Variants in ASIC2 observed in about 807,000 individuals in gnomAD.
ASIC2 encodes acid sensing ion channel subunit 2.
A neutral mutation model predicts 57.3 loss-of-function variants in ASIC2; 25 were observed. The observed-to-expected ratio is 0.44, with a 90% CI of 0.32 to 0.61. The LOEUF is 0.61. Among genes scored for constraint, ASIC2 ranks in the 20% least tolerant of loss-of-function variants. ASIC2 has a pLI of 0.06. For synonymous variants in ASIC2, 319 were observed against 307.5 expected (o/e 1.04, Z -0.39); for missense variants, 641 against 738.1 (o/e 0.87, Z 1.52).
At chr17:33,797,099 A>G (rs1358683033) in intron 1 of ASIC2, among the ~76,000 whole-genome samples, 4 of 152,212 alleles carry the variant, frequency 2.6e-5, no homozygotes, top group African/African-American at 9.7e-5. Context: ...ACTCAGTGCC[A>G]TAGTTTCACC....
chr17:33,897,825 G>A (rs1215019903), intron 1 of ASIC2, among the ~76,000 whole-genome samples: 1 of 152,194 alleles, frequency 6.6e-6, no homozygotes, highest in African/African-American at 2.4e-5. Flanking sequence ...CCTGTTGTGT[G>A]AATGATTATT....
intron 1 of ASIC2, among the ~76,000 whole-genome samples, chr17:33,594,859 C>T (rs2347551): frequency 0.11 from 17,172 of 150,022 alleles, 1,283 homozygotes; most frequent in South Asian, 0.32. Flanking sequence ...TCTGTTTAAG[C>T]GGTGAGTAAG....
chr17:33,701,409 A>T (rs1297581687), intron 1 of ASIC2, among the ~76,000 whole-genome samples: 1 of 152,224 alleles, frequency 6.6e-6, no homozygotes, highest in African/African-American at 2.4e-5. Context: ...TAGCTTGCTG[A>T]AAATCAATAA....
chr17:34,044,129 C>A lies in ASIC2; in HGVS notation c.555+111849G>T, dbSNP rs537391840. On this transcript the variant is annotated intron_variant, in intron 1 of 9. Coordinates refer to the ASIC2 transcript ENST00000359872. The stretch of plus-strand genomic sequence containing the variant: ...ACACACACACACACACACACACGCA[C>A]GCACACACACACACACACACCAAGA... 2.7e-5 allele frequency among the ~76,000 whole-genome samples: 3 copies of A among 112,684 alleles called. No individual in the cohort carries two copies. In the East Asian group the frequency reaches 6.8e-4, roughly 25 times the overall value. 73.9% of individuals were successfully genotyped at this position (112,684 alleles called of 152,430 possible).
intron 1 of ASIC2, among the ~76,000 whole-genome samples, chr17:33,805,841 C>A (rs1157004511): frequency 6.6e-6 from 1 of 152,174 alleles, no homozygotes; most frequent in Non-Finnish European, 1.5e-5. Context: ...ATGTTACACA[C>A]ACAACATCCC....
chr17:33,525,489 C>G (rs1914861451), intron 1 of ASIC2, among the ~76,000 whole-genome samples: 1 of 152,198 alleles, frequency 6.6e-6, no homozygotes, highest in African/African-American at 2.4e-5. Context: ...AAGGTCAGAG[C>G]AATAAAACTG....
intron 1 of ASIC2, among the ~76,000 whole-genome samples, chr17:33,406,552 T>C (rs937433811): frequency 4.6e-5 from 7 of 152,220 alleles, no homozygotes; most frequent in African/African-American, 1.7e-4. Flanking sequence ...GTACAAGTTT[T>C]TAAGCTTTCT....
At chr17:33,470,795 C>G (rs1913023905) in intron 1 of ASIC2, among the ~76,000 whole-genome samples, 1 of 152,188 alleles carries the variant, frequency 6.6e-6, no homozygotes, top group African/African-American at 2.4e-5. Flanking sequence ...TAAGGACATG[C>G]CAGAGGAGTT....
chr17:33,115,808 C>T (rs1376190071), intron 1 of ASIC2, among the ~76,000 whole-genome samples: 1 of 152,162 alleles, frequency 6.6e-6, no homozygotes, highest in Non-Finnish European at 1.5e-5. Flanking sequence ...CTGTCACCTT[C>T]GAGAGGGCAG....
At chr17:34,105,763 T>C (rs1406828983) in intron 1 of ASIC2, among the ~76,000 whole-genome samples, 1 of 152,086 alleles carries the variant, frequency 6.6e-6, no homozygotes, top group African/African-American at 2.4e-5. Flanking sequence ...GTTCTTACTA[T>C]GTATATGTGT....
At chr17:33,090,084 G>A (rs921895263) in intron 2 of ASIC2, among the ~76,000 whole-genome samples, 15 of 152,138 alleles carry the variant, frequency 9.9e-5, no homozygotes, top group African/African-American at 3.6e-4. Flanking sequence ...GTTCTGAGTA[G>A]CCTCTGCCTC....
chr17:33,189,957 C>A lies in ASIC2; in HGVS notation c.709-77890G>T, dbSNP rs756669908. ...TGAAAGGGTGAATGATCTTCCCCTA[C>A]GATCAAGGCAAGGCAAGGATGAGAC... On this transcript the variant is annotated intron_variant, in intron 1 of 9. Transcript: ENST00000225823. 2.0e-5 allele frequency among the ~76,000 whole-genome samples: 3 copies of A among 152,178 alleles called. No homozygotes were observed. The East Asian group carries it at 5.8e-4, about 29-fold the overall frequency.
At chr17:33,405,268 G>T (rs972607278) in intron 1 of ASIC2, among the ~76,000 whole-genome samples, 1 of 152,172 alleles carries the variant, frequency 6.6e-6, no homozygotes, top group East Asian at 1.9e-4. Flanking sequence ...ATGGTAGGGG[G>T]CTGCTTTGGA....
intron 1 of ASIC2, among the ~76,000 whole-genome samples, chr17:33,940,755 G>A (rs1273614276): frequency 1.3e-5 from 2 of 152,214 alleles, no homozygotes; most frequent in Admixed American, 6.5e-5. Flanking sequence ...AAAACACAGA[G>A]TATTTTAAAG....
At chr17:34,109,872 TTC>T (rs903274269) in intron 1 of ASIC2, among the ~76,000 whole-genome samples, 1 of 152,148 alleles carries the variant, frequency 6.6e-6, no homozygotes, top group African/African-American at 2.4e-5. Flanking sequence ...AAATAAGTTT[TTC>T]TCTCTCTTTA....
chr17:33,236,493 G>A (rs1159514508), intron 1 of ASIC2, among the ~76,000 whole-genome samples: 7 of 151,956 alleles, frequency 4.6e-5, no homozygotes, highest in Non-Finnish European at 8.8e-5. Flanking sequence ...ACAGGTGCAC[G>A]CTACTACACC....
chr17:34,031,021 T>C (rs974667477), intron 1 of ASIC2, among the ~76,000 whole-genome samples: 1 of 152,206 alleles, frequency 6.6e-6, no homozygotes, highest in East Asian at 1.9e-4. Context: ...GTAGTGGTTC[T>C]CCCAGCACAC....
intron 1 of ASIC2, among the ~76,000 whole-genome samples, chr17:33,558,233 T>C (rs1188679708): frequency 6.7e-6 from 1 of 150,040 alleles, no homozygotes; most frequent in African/African-American, 2.4e-5. Flanking sequence ...AGTCCGACCC[T>C]GTGGGGCTGG....
At chr17:33,361,528 T>A (rs1245634205) in intron 1 of ASIC2, among the ~76,000 whole-genome samples, 2 of 152,194 alleles carry the variant, frequency 1.3e-5, no homozygotes, top group East Asian at 3.8e-4. Context: ...TTTTTAAATG[T>A]TGGTATCTGT....
Sources: allele counts gnomAD v4.1 joint callset (sites outside exome capture counted in the v4.1 genomes callset), GRCh38; gene constraint gnomAD v4.1.1; transcripts MANE v1.5; gene names NCBI Gene and HGNC (gene_info 2026-07-23, HGNC 2026-07-21).